The following ABCA13 variants were observed in gnomAD, a reference collection of about 807,000 sequenced individuals.
ABCA13 encodes ATP-binding cassette sub-family A member 13.
Under a neutral mutation model 478.7 loss-of-function variants are expected in ABCA13, and 476 were observed. That is an observed-to-expected ratio of 0.99 (90% CI 0.92 to 1.07). ABCA13 has a LOEUF of 1.07. ABCA13 is among the 50% of genes least tolerant of loss of function. The pLI is 0.00. For synonymous variants in ABCA13, 2,252 were observed against 2,158.9 expected (o/e 1.04, Z -1.20); for missense variants, 6,060 against 5,910.6 (o/e 1.03, Z -0.83).
intron 31 of ABCA13, among the ~76,000 whole-genome samples, chr7:48,365,861 T>TA (rs1811585798): frequency 6.6e-6 from 1 of 152,020 alleles, no homozygotes; most frequent in Non-Finnish European, 1.5e-5. Flanking sequence ...AAAGAGGACA[T>TA]AAAAAATGAA....
chr7:48,422,380 C>A (rs920243239), intron 41 of ABCA13, among the ~76,000 whole-genome samples: 1 of 152,102 alleles, frequency 6.6e-6, no homozygotes, highest in Non-Finnish European at 1.5e-5. Context: ...GTGACCCATT[C>A]TTTGCATTCT....
At position 48,516,843 on chromosome 7, in the gene ABCA13, A is replaced by C. The variant is rs1276431708; in HGVS notation, c.13759A>C (p.Ile4587Leu). 1 of 1,613,646 alleles carries C rather than the reference A, an allele frequency of 6.2e-7. No individual in the cohort carries two copies. Among genetic ancestry groups the C allele is most frequent in the Non-Finnish European group, 8.5e-7 (1 of 1,179,654 alleles). Residue 4587 changes from isoleucine (I) to leucine (L), a missense_variant, in exon 52 of 62, where the codon ATT becomes CTT. Coordinates refer to ENST00000435803, the MANE Select transcript of ABCA13 (RefSeq NM_152701.5). ...TGGCCTTTGTACCATGCTCATAACCATTATGCCCCGGTTGCTAGCCATCAT... is the reference window on the plus strand; with the variant it reads ...TGGCCTTTGTACCATGCTCATAACCCTTATGCCCCGGTTGCTAGCCATCAT... ...IFGLCTMLIT[I>L]MPRLLAIISK... is the part of the protein sequence containing the mutation.
rs1394147227 is a variant in ABCA13, at chr7:48,524,357, T to C, written c.14161T>C (p.Tyr4721His). The change falls in exon 54 of 62, where the codon TAC becomes CAC. Residue 4721 changes from tyrosine to histidine, a missense_variant. Physicochemically the swap from Tyr to His is moderately conservative, Grantham distance 83. Around this residue, in one of 3 missense-constraint regions of ABCA13, gnomAD observed 1,627 missense variants for 1,571.0 expected, o/e 1.04. Transcript: ENST00000435803. ...GACCAATGGAGACATTCTTGTGTTA[T>C]ACAACCTTAGTAAACATTATCGACG... is the stretch of plus-strand genomic sequence containing the variant. ...GRTNGDILVLYNLSKHYRRFF... is the reference protein window; with the variant it reads ...GRTNGDILVLHNLSKHYRRFF... 6 of 1,613,386 alleles carry C rather than the reference T, an allele frequency of 3.7e-6. No individual in the cohort carries two copies. Among genetic ancestry groups the C allele is most frequent in the Middle Eastern group, 3.3e-4 (2 of 6,056 alleles).
chr7:48,433,926 G>C (rs572410894), intron 42 of ABCA13, among the ~76,000 whole-genome samples: 1 of 152,086 alleles, frequency 6.6e-6, no homozygotes, highest in Non-Finnish European at 1.5e-5. Context: ...ATCTGTTGAT[G>C]GACATTTGTG....
intron 59 of ABCA13, among the ~76,000 whole-genome samples, chr7:48,620,049 C>T (rs186923966): frequency 2.5e-3 from 386 of 152,212 alleles, no homozygotes; most frequent in Admixed American, 4.5e-3. Context: ...GAGGCATTTG[C>T]GGGCCTAGGC....
At chr7:48,298,179 G>A (rs774109939) in intron 22 of ABCA13, among the ~76,000 whole-genome samples, 187 bp from the exon 23 acceptor site, 1 of 152,072 alleles carries the variant, frequency 6.6e-6, no homozygotes, top group Non-Finnish European at 1.5e-5. Flanking sequence ...TGGCATTTTG[G>A]TTTATTGTCA....
chr7:48,177,522 A>C (rs1795046846), intron 1 of ABCA13, among the ~76,000 whole-genome samples: 1 of 152,046 alleles, frequency 6.6e-6, no homozygotes, highest in South Asian at 2.1e-4. Context: ...TCAGCTGCAG[A>C]CTCCAGCACT....
At chr7:48,340,944 C>T (rs1449469532) in intron 29 of ABCA13, among the ~76,000 whole-genome samples, 2 of 152,172 alleles carry the variant, frequency 1.3e-5, no homozygotes, top group African/African-American at 4.8e-5. Flanking sequence ...AACTGATACA[C>T]CTACGGCAGT....
chr7:48,175,667 C>T (rs78932382), intron 1 of ABCA13, among the ~76,000 whole-genome samples: 3 of 152,126 alleles, frequency 2.0e-5, no homozygotes, highest in Non-Finnish European at 2.9e-5. Flanking sequence ...GGGAGCCACC[C>T]GCCTTGGCCT....
At chr7:48,294,449 T>TG (rs796488468) in intron 20 of ABCA13, among the ~76,000 whole-genome samples, 7,816 of 146,786 alleles carry the variant, frequency 0.053, 477 homozygotes, top group African/African-American at 0.16. Flanking sequence ...TTTGTTTTGT[T>TG]TTTTTTTTGA....
Position 48,389,127 on chromosome 7 carries a change from A to T in ABCA13, c.11561A>T (p.His3854Leu). 1.2e-6 allele frequency: 2 copies of T among 1,613,990 alleles called. No homozygotes were observed. Among genetic ancestry groups the T allele is most frequent in the Non-Finnish European group, 1.7e-6 (2 of 1,179,870 alleles). Residue 3854 changes from histidine to leucine, a missense_variant, in exon 37 of 62, where the codon CAC (histidine) becomes CTC (leucine). Around this residue, in one of 3 missense-constraint regions of ABCA13, gnomAD observed 1,627 missense variants for 1,571.0 expected, o/e 1.04. Transcript: ENST00000435803. The stretch of plus-strand genomic sequence containing the variant: ...TCTGTGACCAAGGAATATGAGGGCC[A>T]CAAGGCTGTGGTCCAAGACCTCAGC... Reference protein sequence around the residue: ...LVSVTKEYEGHKAVVQDLSLT... With the variant: ...LVSVTKEYEGLKAVVQDLSLT...
intron 1 of ABCA13, among the ~76,000 whole-genome samples, chr7:48,178,855 C>G (rs1053265732): frequency 6.6e-6 from 1 of 151,132 alleles, no homozygotes; most frequent in South Asian, 2.1e-4. Flanking sequence ...CTCTAGGTTG[C>G]TCTTTTGCTG....
chr7:48,172,440 A>C (rs1794215493), intron 1 of ABCA13, among the ~76,000 whole-genome samples: 3 of 152,140 alleles, frequency 2.0e-5, no homozygotes, highest in Admixed American at 2.0e-4. Context: ...AAGTTAAAGG[A>C]GATGTTTTCT....
chr7:48,554,941 G>A (rs1461601707), intron 55 of ABCA13, among the ~76,000 whole-genome samples: 4 of 151,458 alleles, frequency 2.6e-5, no homozygotes, highest in African/African-American at 9.7e-5. Flanking sequence ...AAGGCTTTCA[G>A]GTTTTCCCTC....
In ABCA13 at chr7:48,544,968, G is replaced by T. The variant is rs148643854; in HGVS notation, c.14354+16623G>T. On this transcript the variant is annotated intron_variant, in intron 55 of 61. Coordinates refer to ENST00000435803, the MANE Select transcript of ABCA13 (RefSeq NM_152701.5). ...CTGCTGCAGAAATGATTGCTTGATT[G>T]TTGGTGGGGAGAAATCCCCACACAT... is the stretch of plus-strand genomic sequence containing the variant. Among the ~76,000 whole-genome samples, 941 of 152,072 alleles carry T rather than the reference G, an allele frequency of 6.2e-3. 14 individuals carry two copies. The highest frequency in any genetic ancestry group is 0.022 in the African/African-American group (897 of 41,542).
At chr7:48,360,604 A>G (rs1025722025) in intron 31 of ABCA13, among the ~76,000 whole-genome samples, 8 of 152,020 alleles carry the variant, frequency 5.3e-5, no homozygotes, top group African/African-American at 1.5e-4. Flanking sequence ...AATAATTCAC[A>G]CTTAATATCC....
At chr7:48,407,953 G>T (rs912856872) in intron 39 of ABCA13, among the ~76,000 whole-genome samples, 33 of 152,198 alleles carry the variant, frequency 2.2e-4, no homozygotes, top group Non-Finnish European at 3.1e-4. Context: ...TAGGGATTTT[G>T]GTATCTTCAG....
At chr7:48,456,095 C>G (rs1248656347) in intron 43 of ABCA13, among the ~76,000 whole-genome samples, 1 of 152,230 alleles carries the variant, frequency 6.6e-6, no homozygotes, top group East Asian at 1.9e-4. Context: ...CAATTTTTCA[C>G]ATTTGGGATG....
intron 57 of ABCA13, among the ~76,000 whole-genome samples, chr7:48,591,316 T>C (rs999897277): frequency 1.6e-4 from 25 of 152,026 alleles, no homozygotes; most frequent in African/African-American, 5.8e-4. Flanking sequence ...TACTGTCTAT[T>C]CTTTTCTATG....
Sources: allele counts gnomAD v4.1 joint callset (sites outside exome capture counted in the v4.1 genomes callset), GRCh38; gene constraint gnomAD v4.1.1; regional missense constraint gnomAD v4.1.1; transcripts MANE v1.5; gene names NCBI Gene and HGNC (gene_info 2026-07-23, HGNC 2026-07-21).